Variants in AMZ1 observed in about 807,000 individuals in gnomAD.
AMZ1 encodes archaemetzincin-1.
A neutral mutation model predicts 29.9 loss-of-function variants in AMZ1; 39 were observed. The ratio of observed to expected loss-of-function variants is 1.30; its 90% CI spans 1.01 to 1.70. The LOEUF is 1.70. Among genes scored for constraint, AMZ1 ranks in the 40% most tolerant of loss-of-function variants. AMZ1 has a pLI of 0.00. For synonymous variants in AMZ1, 458 were observed against 304.0 expected (o/e 1.51, Z -5.27); for missense variants, 1,041 against 680.6 (o/e 1.53, Z -5.89).
Position 2,714,566 on chromosome 7 carries a change from G to T in AMZ1, c.*1688G>T, listed in dbSNP as rs1443194782. The stretch of plus-strand genomic sequence containing the variant: ...GAAGGTGCCGGCAGAGCACCCTGCA[G>T]TAACAGAAGGTGAAAGCCGGAGCCT... On this transcript the variant is annotated 3_prime_UTR_variant, in exon 7 of 7. Transcript: ENST00000683327. 2.6e-5 allele frequency: 4 copies of T among 152,362 alleles called. No homozygotes were observed. The highest frequency in any genetic ancestry group is 4.4e-5 in the Non-Finnish European group (3 of 68,070). The allele number at this position is 152,362 out of a possible 1,614,324, so 9.4% of individuals were successfully genotyped here. A position where few individuals can be genotyped will look rare whatever the true frequency, so the allele number is the denominator to read the frequency against.
intron 4 of AMZ1, among the ~76,000 whole-genome samples, chr7:2,755,942 C>T (rs1198620421): frequency 6.6e-6 from 1 of 152,176 alleles, no homozygotes; most frequent in African/African-American, 2.4e-5. Context: ...TCCCAGCAGG[C>T]ATTTTTTTTG....
rs768426522 is a variant in AMZ1, at chr7:2,731,357, G to C, written n.550+21541G>C. Reference sequence around the variant, plus strand: ...ACCAGGTAGCGCTGGACGTCCTCCAGCCTGTGCGGGTCGCCCCTGAAGTCC... The same window carrying C: ...ACCAGGTAGCGCTGGACGTCCTCCACCCTGTGCGGGTCGCCCCTGAAGTCC... On this transcript the variant is annotated intron_variant and non_coding_transcript_variant, in intron 4 of 4. Transcript: ENST00000489665. This position sits in a 1 kb window ranked among gnomAD's most constrained non-coding sequence, Gnocchi z 6.0. The C allele has an allele frequency of 1.9e-6, 3 of 1,613,730 alleles. No homozygotes were observed. The highest frequency in any genetic ancestry group is 2.5e-6 in the Non-Finnish European group (3 of 1,179,908).
intron 1 of AMZ1, among the ~76,000 whole-genome samples, chr7:2,689,572 C>A (rs868430518): frequency 6.6e-6 from 1 of 152,210 alleles, no homozygotes; most frequent in Non-Finnish European, 1.5e-5. Flanking sequence ...CAGTGTGAAG[C>A]GTGGCTTTGA....
chr7:2,686,922 C>T (rs1336664649), upstream of AMZ1, among the ~76,000 whole-genome samples: 1 of 151,682 alleles, frequency 6.6e-6, no homozygotes, highest in Admixed American at 6.6e-5. Flanking sequence ...ACCATACTGG[C>T]CAGGCCGGTC....
intron 3 of AMZ1, among the ~76,000 whole-genome samples, chr7:2,707,425 G>T (rs1444250871): frequency 6.6e-6 from 1 of 152,050 alleles, no homozygotes; most frequent in African/African-American, 2.4e-5. Flanking sequence ...GACCCTCTCC[G>T]GGTTTCCTGG....
chr7:2,703,054 T>C (rs1028326478), intron 3 of AMZ1, among the ~76,000 whole-genome samples, 165 bp downstream of exon 3: 3 of 152,196 alleles, frequency 2.0e-5, no homozygotes, highest in African/African-American at 4.8e-5. Context: ...GAGAGCTCCT[T>C]CTTCCCACCC....
chr7:2,743,804 A>T (rs1790627663), intron 4 of AMZ1, among the ~76,000 whole-genome samples: 1 of 152,062 alleles, frequency 6.6e-6, no homozygotes, highest in Non-Finnish European at 1.5e-5. Context: ...AGCACCTGGA[A>T]AATTGGGTCA....
At chr7:2,723,661 G>C (rs781365801), downstream of AMZ1, among the ~76,000 whole-genome samples, 1 of 152,198 alleles carries the variant, frequency 6.6e-6, no homozygotes, top group Non-Finnish European at 1.5e-5. Flanking sequence ...GGACGATTCA[G>C]ATCAGCTTTC....
chr7:2,762,664 A>C, upstream of AMZ1: 1 of 1,599,628 alleles, frequency 6.3e-7, no homozygotes, highest in South Asian at 1.1e-5. Context: ...CGATGAGAGG[A>C]TAAATCATTT....
chr7:2,704,306 C>T (rs1468790821), intron 3 of AMZ1, among the ~76,000 whole-genome samples: 1 of 152,094 alleles, frequency 6.6e-6, no homozygotes, highest in Non-Finnish European at 1.5e-5. Context: ...TGTTCAAGAC[C>T]AGCCTGGGCA....
upstream of AMZ1, among the ~76,000 whole-genome samples, chr7:2,760,190 T>C (rs552840231): frequency 2.3e-4 from 35 of 151,570 alleles, no homozygotes; most frequent in Non-Finnish European, 4.0e-4. Flanking sequence ...GGGGAAGGAG[T>C]GGAGATTGAA....
intron 6 of AMZ1, among the ~76,000 whole-genome samples, 173 bp downstream of exon 6, chr7:2,709,989 T>C (rs1475042451): frequency 1.3e-5 from 2 of 152,188 alleles, no homozygotes; most frequent in Non-Finnish European, 2.9e-5. Context: ...CATCCGGATC[T>C]CACTGGCAGT....
At chr7:2,707,155 C>T (rs947296904) in intron 3 of AMZ1, among the ~76,000 whole-genome samples, 2 of 152,040 alleles carry the variant, frequency 1.3e-5, no homozygotes, top group East Asian at 1.9e-4. Context: ...TGCCTGTAAT[C>T]CCTGCTACTC....
chr7:2,684,753 G>A (rs1284012078), upstream of AMZ1, among the ~76,000 whole-genome samples: 1 of 152,158 alleles, frequency 6.6e-6, no homozygotes, highest in Non-Finnish European at 1.5e-5. Context: ...CTGGCACTGG[G>A]CATGGCGCCA....
rs773132642 is a variant in AMZ1 at position 2,709,762 on chromosome 7, C to T, written c.894C>T (p.Ile298=). 1 of 1,611,992 alleles carries T rather than the reference C, an allele frequency of 6.2e-7. No homozygotes were observed. ...ALRRPLDLCP[I]CLRKLQHVLG... ...GGCGGCCCCTGGACCTCTGTCCCAT[C>T]TGCCTGAGGAAGCTGCAGCATGTCC... is the stretch of plus-strand genomic sequence containing the variant. The change falls in exon 6 of 7, where the codon ATC becomes ATT. Residue 298 remains isoleucine, a synonymous_variant. Coordinates refer to ENST00000683327, the MANE Select transcript of AMZ1 (RefSeq NM_001384743.1).
chr7:2,721,395 A>C (rs1037838611), downstream of AMZ1, among the ~76,000 whole-genome samples: 1 of 152,202 alleles, frequency 6.6e-6, no homozygotes, highest in Admixed American at 6.5e-5. Flanking sequence ...CATGCTGCAG[A>C]ATCCACTGCC....
intron 4 of AMZ1, among the ~76,000 whole-genome samples, chr7:2,732,763 C>T (rs1398810799): frequency 6.6e-6 from 1 of 152,082 alleles, no homozygotes. Flanking sequence ...TGGTAAGAAA[C>T]CCTACAGGAT....
At position 2,712,737 on chromosome 7, in the gene AMZ1, G is replaced by A; in HGVS notation, c.1356G>A (p.Gln452=). The A allele has an allele frequency of 6.2e-7, 1 of 1,606,580 alleles. No homozygotes were observed. The highest frequency in any genetic ancestry group is 8.5e-7 in the Non-Finnish European group (1 of 1,175,930). Residue 452 remains glutamine (Q), a synonymous_variant, in exon 7 of 7, where the codon CAG becomes CAA. Transcript: ENST00000683327. ...MFTGQLPATR[Q]DPPSSRDSVG... is the part of the protein sequence containing the mutation. ...CGGGCCAGCTCCCGGCCACCAGGCA[G>A]GACCCACCCAGCAGCAGGGACAGCG...
chr7:2,744,813 G>T (rs1365154487), intron 4 of AMZ1, among the ~76,000 whole-genome samples: 2 of 152,160 alleles, frequency 1.3e-5, no homozygotes, highest in Non-Finnish European at 2.9e-5. Flanking sequence ...CCAATGCAGA[G>T]AAGTCCTTAA....
Sources: allele counts gnomAD v4.1 joint callset (sites outside exome capture counted in the v4.1 genomes callset), GRCh38; gene constraint gnomAD v4.1.1; non-coding constraint Gnocchi (gnomAD v3.1); transcripts MANE v1.5; gene names NCBI Gene and HGNC (gene_info 2026-07-23, HGNC 2026-07-21).